TOPAZ1: variants seen among roughly 807,000 people sequenced by gnomAD.
TOPAZ1 encodes the protein testis and ovary specific TOPAZ 1.
A neutral mutation model predicts 172.2 loss-of-function variants in TOPAZ1; 66 were observed. The ratio of observed to expected loss-of-function variants is 0.38; its 90% CI spans 0.31 to 0.47. TOPAZ1 has a LOEUF of 0.47. TOPAZ1 is among the 20% of genes least tolerant of loss of function. TOPAZ1 has a pLI of 0.99. For missense variants in TOPAZ1, 1,822 were observed against 1,972.4 expected (o/e 0.92, Z 1.44); for synonymous variants, 681 against 683.9 (o/e 1.00, Z 0.07).
Position 44,243,077 on chromosome 3 carries a change from A to G in TOPAZ1, c.571A>G (p.Thr191Ala). 1 of 1,547,480 alleles carries G rather than the reference A, an allele frequency of 6.5e-7. No homozygotes were observed. The highest frequency in any genetic ancestry group is 8.7e-7 in the Non-Finnish European group (1 of 1,145,958). The change falls in exon 2 of 20, where the codon ACA (threonine) becomes GCA (alanine). Residue 191 changes from threonine to alanine, a missense_variant. By Grantham distance (58) the Thr-to-Ala change is moderately conservative (BLOSUM62 0). This residue lies in a region of TOPAZ1 where 1,489 missense variants were observed against 1,490.8 expected (regional missense o/e 1.00). Transcript: ENST00000309765. Reference sequence around the variant, plus strand: ...TCTCAAAATAACCGAAAATGAGGCTACACAAAATATTAAGGTTGAATTCCA... The same window carrying G: ...TCTCAAAATAACCGAAAATGAGGCTGCACAAAATATTAAGGTTGAATTCCA... ...PPLKITENEA[T>A]QNIKVEFQDE...
At chr3:44,306,088 T>C (rs1700333722) in intron 14 of TOPAZ1, among the ~76,000 whole-genome samples, 1 of 152,238 alleles carries the variant, frequency 6.6e-6, no homozygotes, top group Non-Finnish European at 1.5e-5. Flanking sequence ...AGCCGGATAG[T>C]AAATATTTTA....
At chr3:44,294,499 AT>A (rs923413298) in intron 12 of TOPAZ1, among the ~76,000 whole-genome samples, 2 of 151,326 alleles carry the variant, frequency 1.3e-5, no homozygotes, top group Admixed American at 6.6e-5. Context: ...CTAGGCAATT[AT>A]TTTTTTTTCT....
Position 44,304,087 on chromosome 3 carries a change from A to T in TOPAZ1, c.3864+6A>T. 1 of 1,474,946 alleles carries T rather than the reference A, an allele frequency of 6.8e-7. No homozygotes were observed. The highest frequency in any genetic ancestry group is 9.2e-7 in the Non-Finnish European group (1 of 1,085,650). 91.4% of individuals were successfully genotyped at this position (1,474,946 alleles called of 1,614,324 possible). ...CAGCCTTGAATAAATTAGAGGTATG[A>T]CATTTATTATTTTAAATACATTGCT... On this transcript the variant is annotated splice_donor_region_variant and intron_variant, in intron 13 of 19. Coordinates refer to ENST00000309765, the MANE Select transcript of TOPAZ1 (RefSeq NM_001145030.2).
rs1328209045 is a variant in TOPAZ1, at chr3:44,244,743, G to A, written c.2237G>A (p.Ser746Asn). Residue 746 changes from serine to asparagine, a missense_variant, in exon 2 of 20, where the codon AGC (serine) becomes AAC (asparagine). Ser to Asn is a conservative substitution (Grantham distance 46). Around this residue, in one of 2 missense-constraint regions of TOPAZ1, gnomAD observed 1,489 missense variants for 1,490.8 expected, o/e 1.00. Coordinates refer to ENST00000309765, the MANE Select transcript of TOPAZ1 (RefSeq NM_001145030.2). ...ATGATGTTAGGACCTCAAACTTTGA[G>A]CATACGAAATAGTGTAACTCCAGTG... is the stretch of plus-strand genomic sequence containing the variant. The part of the protein sequence containing the change: ...SMMMLGPQTL[S>N]IRNSVTPVQA... 1.3e-6 allele frequency: 2 copies of A among 1,551,518 alleles called. No individual in the cohort carries two copies. The highest frequency in any genetic ancestry group is 1.7e-6 in the Non-Finnish European group (2 of 1,146,958).
chr3:44,261,567 C>T (rs1040265388), intron 4 of TOPAZ1, among the ~76,000 whole-genome samples: 2 of 152,018 alleles, frequency 1.3e-5, no homozygotes, highest in African/African-American at 2.4e-5. Flanking sequence ...AGCCCTGTAG[C>T]GTAGTTTGAA....
At chr3:44,291,990 G>A (rs1559539555) in intron 12 of TOPAZ1, among the ~76,000 whole-genome samples, 1 of 152,158 alleles carries the variant, frequency 6.6e-6, no homozygotes, top group Non-Finnish European at 1.5e-5. Context: ...CAAGTTAATA[G>A]TAGTCATTTG....
At chr3:44,323,376 A>C in intron 18 of TOPAZ1, 81 bp downstream of exon 18, 1 of 850,734 alleles carries the variant, frequency 1.2e-6, no homozygotes, top group South Asian at 2.2e-5. Context: ...ATAAGATTAG[A>C]TATTTATATG....
intron 8 of TOPAZ1, among the ~76,000 whole-genome samples, chr3:44,277,118 C>T (rs1381654860): frequency 6.6e-6 from 1 of 152,062 alleles, no homozygotes; most frequent in African/African-American, 2.4e-5. Flanking sequence ...TGACATTAAT[C>T]CTTCTAATTT....
At chr3:44,291,180 A>G (rs921271594) in intron 12 of TOPAZ1, among the ~76,000 whole-genome samples, 2 of 151,958 alleles carry the variant, frequency 1.3e-5, no homozygotes, top group African/African-American at 2.4e-5. Context: ...GTACTCTCTT[A>G]TATGTGTACA....
chr3:44,241,886 A>T lies in TOPAZ1; in HGVS notation c.-168A>T. 1 of 660,836 alleles carries T rather than the reference A, an allele frequency of 1.5e-6. No homozygotes were observed. Among genetic ancestry groups the T allele is most frequent in the Non-Finnish European group, 2.5e-6 (1 of 405,528 alleles). The allele number at this position is 660,836 out of a possible 1,614,324, so 40.9% of individuals were successfully genotyped here. ...GTCGGGGCCCCAGACACGAGGCCCC[A>T]CTTCCGCTTACGCGCCCCACTTCCG... On this transcript the variant is annotated 5_prime_UTR_variant, in exon 1 of 20. Transcript: ENST00000309765.
In TOPAZ1 at chr3:44,328,375, G is replaced by T; in HGVS notation, c.4801G>T (p.Ala1601Ser). 1 of 1,523,994 alleles carries T rather than the reference G, an allele frequency of 6.6e-7. No homozygotes were observed. Among genetic ancestry groups the T allele is most frequent in the South Asian group, 1.3e-5 (1 of 78,834 alleles). The allele number at this position is 1,523,994 out of a possible 1,614,324, so 94.4% of individuals were successfully genotyped here. A position where few individuals can be genotyped will look rare whatever the true frequency, so the allele number is the denominator to read the frequency against. Residue 1601 changes from alanine (A) to serine (S), a missense_variant, in exon 19 of 20, where the codon GCT (alanine) becomes TCT (serine). By Grantham distance (99) the Ala-to-Ser change is moderately conservative. Around this residue, in one of 2 missense-constraint regions of TOPAZ1, gnomAD observed 333 missense variants for 481.7 expected, o/e 0.69. Coordinates refer to ENST00000309765, the MANE Select transcript of TOPAZ1 (RefSeq NM_001145030.2). Reference sequence around the variant, plus strand: ...TATTGAAATCTTCATGGTATCTAATGCTAGTAGTATTCAGAGTCCTGGAAC... The same window carrying T: ...TATTGAAATCTTCATGGTATCTAATTCTAGTAGTATTCAGAGTCCTGGAAC... ...LAIEIFMVSN[A>S]SSIQSPGTST...
At chr3:44,329,615 T>C (rs1053224765) in intron 19 of TOPAZ1, among the ~76,000 whole-genome samples, 2 of 152,242 alleles carry the variant, frequency 1.3e-5, no homozygotes, top group Non-Finnish European at 2.9e-5. Context: ...GATGGTAGCA[T>C]AAGACACAAG....
chr3:44,257,348 TA>T (rs1699718096), intron 4 of TOPAZ1, among the ~76,000 whole-genome samples: 1 of 114,370 alleles, frequency 8.7e-6, no homozygotes, highest in Non-Finnish European at 1.8e-5. Flanking sequence ...AAAGAAAACA[TA>T]GGGGTGTGTG....
chr3:44,327,652 G>C (rs1286163965), intron 18 of TOPAZ1, among the ~76,000 whole-genome samples: 1 of 151,970 alleles, frequency 6.6e-6, no homozygotes, highest in Non-Finnish European at 1.5e-5. Context: ...AAATTGTCTT[G>C]TGTTTACTGT....
intron 12 of TOPAZ1, among the ~76,000 whole-genome samples, chr3:44,291,836 T>G (rs948276187): frequency 1.3e-5 from 2 of 152,156 alleles, no homozygotes; most frequent in African/African-American, 4.8e-5. Flanking sequence ...TGCCCAGAAA[T>G]CTCCAATATG....
At chr3:44,249,542 TCCCATAGCACCTTATGCTA>T in intron 2 of TOPAZ1, among the ~76,000 whole-genome samples, 1 of 152,302 alleles carries the variant, frequency 6.6e-6, no homozygotes, top group African/African-American at 2.4e-5. Context: ...CCTTATGCAT[TCCCATAGCACCTTATGCTA>T]CCTCAGTAGT....
chr3:44,315,194 A>G (rs1385315936), intron 16 of TOPAZ1, among the ~76,000 whole-genome samples: 1 of 139,964 alleles, frequency 7.1e-6, no homozygotes, highest in Non-Finnish European at 1.5e-5. Flanking sequence ...GCAGGTTTTG[A>G]AAGAACGTGT....
chr3:44,326,573 C>A (rs1432246362), intron 18 of TOPAZ1, among the ~76,000 whole-genome samples: 2 of 151,916 alleles, frequency 1.3e-5, no homozygotes, highest in African/African-American at 4.8e-5. Flanking sequence ...GGATACAAAT[C>A]CCTTGTCAGA....
chr3:44,248,296 T>A (rs1699589698), intron 2 of TOPAZ1, among the ~76,000 whole-genome samples: 1 of 152,220 alleles, frequency 6.6e-6, no homozygotes, highest in Admixed American at 6.5e-5. Context: ...GTTAGCCATT[T>A]TGGTGTGCAG....
Sources: gnomAD v4.1 joint callset for allele counts (sites outside exome capture counted in the v4.1 genomes callset) on GRCh38, gnomAD v4.1.1 for gene constraint, gnomAD v4.1.1 regional missense constraint, MANE v1.5 for transcripts, NCBI Gene and HGNC (gene_info 2026-07-23, HGNC 2026-07-21) for gene names.